Variants in PTPRD observed in about 807,000 individuals in gnomAD.
PTPRD encodes receptor-type tyrosine-protein phosphatase delta.
In PTPRD, 34 loss-of-function variants were observed where a neutral mutation model predicts 214.5. The observed-to-expected ratio is 0.16, with a 90% confidence interval of 0.12 to 0.21. PTPRD has a LOEUF of 0.21. PTPRD is among the 10% of genes least tolerant of loss of function. The pLI is 1.00. For missense variants in PTPRD, 2,545 were observed against 2,398.7 expected (o/e 1.06, Z -1.27); for synonymous variants, 1,128 against 845.7 (o/e 1.33, Z -5.79).
chr9:10,244,636 AC>A (rs2091764717), intron 3 of PTPRD, among the ~76,000 whole-genome samples: 1 of 152,100 alleles, frequency 6.6e-6, no homozygotes, highest in Non-Finnish European at 1.5e-5. Context: ...TGAAAATAAA[AC>A]ATTATTTCAT....
chr9:9,234,693 G>C (rs1387056832), intron 9 of PTPRD, among the ~76,000 whole-genome samples: 1 of 152,142 alleles, frequency 6.6e-6, no homozygotes, highest in Admixed American at 6.6e-5. Flanking sequence ...GGGGCAAAAT[G>C]CCTTCAGTCT....
At chr9:9,207,306 T>A (rs1315293210) in intron 9 of PTPRD, among the ~76,000 whole-genome samples, 1 of 152,148 alleles carries the variant, frequency 6.6e-6, no homozygotes, top group African/African-American at 2.4e-5. Context: ...GAGTAGATAG[T>A]TGGACATAAG....
intron 2 of PTPRD, among the ~76,000 whole-genome samples, chr9:10,371,405 C>T (rs1565604546): frequency 1.3e-5 from 2 of 151,960 alleles, no homozygotes. Flanking sequence ...CTGTTTCGCT[C>T]TATTTTTACA....
At chr9:9,811,556 A>C (rs946200259) in intron 5 of PTPRD, among the ~76,000 whole-genome samples, 5 of 151,990 alleles carry the variant, frequency 3.3e-5, no homozygotes, top group Non-Finnish European at 5.9e-5. Context: ...AAATATAAAA[A>C]ATTAGCCAGG....
chr9:9,004,014 G>T (rs1175439137), intron 11 of PTPRD, among the ~76,000 whole-genome samples: 1 of 152,010 alleles, frequency 6.6e-6, no homozygotes, highest in Non-Finnish European at 1.5e-5. Context: ...TTGCTGCATT[G>T]CAAAGACCAA....
At chr9:8,966,657 GA>G (rs952682861) in intron 11 of PTPRD, among the ~76,000 whole-genome samples, 1 of 151,700 alleles carries the variant, frequency 6.6e-6, no homozygotes, top group East Asian at 1.9e-4. Context: ...AAGAATCCTA[GA>G]AAAAAACCTA....
chr9:10,063,464 T>C (rs2097816922), intron 3 of PTPRD, among the ~76,000 whole-genome samples: 2 of 151,972 alleles, frequency 1.3e-5, no homozygotes, highest in Admixed American at 1.3e-4. Context: ...AAAAGAGAAA[T>C]CTTGGGGTTT....
intron 9 of PTPRD, among the ~76,000 whole-genome samples, chr9:9,197,687 A>G (rs1185460900): frequency 6.6e-6 from 1 of 152,224 alleles, no homozygotes. Context: ...CTGGGATTAC[A>G]GGCATGAGCC....
intron 9 of PTPRD, among the ~76,000 whole-genome samples, chr9:9,303,728 T>C (rs748811736): frequency 4.6e-5 from 7 of 152,118 alleles, no homozygotes; most frequent in Non-Finnish European, 7.4e-5. Context: ...CACATGGTAC[T>C]TGAGGGAATC....
At chr9:9,879,537 G>A (rs1362873464) in intron 5 of PTPRD, among the ~76,000 whole-genome samples, 4 of 152,154 alleles carry the variant, frequency 2.6e-5, no homozygotes, top group African/African-American at 4.8e-5. Flanking sequence ...TGAAGAAAAA[G>A]GTAAAATTGA....
At chr9:9,235,859 T>C (rs2099966309) in intron 9 of PTPRD, among the ~76,000 whole-genome samples, 1 of 152,182 alleles carries the variant, frequency 6.6e-6, no homozygotes, top group Admixed American at 6.5e-5. Flanking sequence ...GTGACTTTTT[T>C]TTTGTTGTTG....
chr9:8,750,144 G>A (rs1348013491), intron 11 of PTPRD, among the ~76,000 whole-genome samples: 2 of 151,944 alleles, frequency 1.3e-5, no homozygotes, highest in African/African-American at 4.8e-5. Context: ...ACATTCTGGT[G>A]CTAGGAGATA....
intron 11 of PTPRD, among the ~76,000 whole-genome samples, chr9:8,930,459 T>C (rs113185809): frequency 1.3e-5 from 2 of 152,134 alleles, no homozygotes; most frequent in African/African-American, 4.8e-5. Context: ...TTATTTATAA[T>C]CCTTTGGGTA....
At chr9:9,362,632 C>T (rs980792907) in intron 9 of PTPRD, among the ~76,000 whole-genome samples, 1 of 151,268 alleles carries the variant, frequency 6.6e-6, no homozygotes, top group East Asian at 2.0e-4. Context: ...ATTCACTTAC[C>T]CCTAAGAACA....
intron 7 of PTPRD, among the ~76,000 whole-genome samples, chr9:9,687,444 T>G (rs1410021454): frequency 6.6e-6 from 1 of 151,748 alleles, no homozygotes; most frequent in East Asian, 1.9e-4. Context: ...GGACTGCCTA[T>G]GGGAAACTGA....
intron 4 of PTPRD, among the ~76,000 whole-genome samples, chr9:9,945,464 C>G (rs184065222): frequency 6.6e-6 from 1 of 152,062 alleles, no homozygotes; most frequent in African/African-American, 2.4e-5. Context: ...TAAAATGGAG[C>G]TGTTAATGAA....
At chr9:10,403,899 C>G (rs1366143777) in intron 2 of PTPRD, among the ~76,000 whole-genome samples, 1 of 151,570 alleles carries the variant, frequency 6.6e-6, no homozygotes, top group African/African-American at 2.4e-5. Flanking sequence ...TAAAAATACT[C>G]TGTACGATAC....
At position 10,322,736 on chromosome 9, in the gene PTPRD, A is replaced by T. The variant is rs192329517; in HGVS notation, c.-545+18227T>A. Among the ~76,000 whole-genome samples the T allele has an allele frequency of 1.6e-4, 25 of 152,154 alleles. No individual in the cohort carries two copies. The East Asian group carries it at 2.7e-3, about 17-fold the overall frequency. ...TTGGTACCAATTGGTTTTGTATCTGAGAGTTCACTTAGCAGAGAGACAGCA... is the reference window on the plus strand; with the variant it reads ...TTGGTACCAATTGGTTTTGTATCTGTGAGTTCACTTAGCAGAGAGACAGCA... On this transcript the variant is annotated intron_variant, in intron 3 of 45. Coordinates refer to ENST00000381196, the MANE Select transcript of PTPRD (RefSeq NM_002839.4).
At chr9:8,650,655 AT>A (rs1229187561) in intron 12 of PTPRD, among the ~76,000 whole-genome samples, 1 of 152,204 alleles carries the variant, frequency 6.6e-6, no homozygotes, top group Admixed American at 6.5e-5. Context: ...GACTTAAAAA[AT>A]ATACTGAAAA....
Sources: allele counts gnomAD v4.1 joint callset (sites outside exome capture counted in the v4.1 genomes callset), GRCh38; gene constraint gnomAD v4.1.1; transcripts MANE v1.5; gene names NCBI Gene and HGNC (gene_info 2026-07-23, HGNC 2026-07-21).